Variants in ICE1 observed in about 807,000 individuals in gnomAD.
ICE1 encodes the protein interactor of little elongation complex ELL subunit 1, also known as little elongation complex subunit 1.
A neutral mutation model predicts 192.7 loss-of-function variants in ICE1; 64 were observed. That is an observed-to-expected ratio of 0.33 (90% CI 0.27 to 0.41). The LOEUF is 0.41. ICE1 is among the 10% of genes least tolerant of loss of function. The probability of loss-of-function intolerance (pLI) is 1.00; values close to 1 mark genes in which losing one functional copy is unlikely to be tolerated. For missense variants in ICE1, 2,708 were observed against 2,696.0 expected (o/e 1.00, Z -0.10); for synonymous variants, 1,010 against 984.5 (o/e 1.03, Z -0.49).
intron 16 of ICE1, among the ~76,000 whole-genome samples, chr5:5,473,978 A>T (rs2111397250): frequency 6.6e-6 from 1 of 152,218 alleles, no homozygotes; most frequent in East Asian, 1.9e-4. Flanking sequence ...TGGGAGGCCG[A>T]GGTGGGCAGA....
intron 18 of ICE1, among the ~76,000 whole-genome samples, chr5:5,488,344 G>A (rs1263021471): frequency 6.6e-6 from 1 of 152,122 alleles, no homozygotes; most frequent in African/African-American, 2.4e-5. Context: ...AGATTTTCTT[G>A]GATTTTGGAG....
chr5:5,460,770 T>C lies in ICE1; in HGVS notation c.1436T>C (p.Leu479Ser). 5 of 1,614,012 alleles carry C rather than the reference T, an allele frequency of 3.1e-6. No individual in the cohort carries two copies. Among genetic ancestry groups the C allele is most frequent in the Non-Finnish European group, 4.2e-6 (5 of 1,179,908 alleles). ...ATGAGTGATAGAAAAAGAGACATTTTACATGAGACAAAAACACAAATGGAG... is the reference window on the plus strand; with the variant it reads ...ATGAGTGATAGAAAAAGAGACATTTCACATGAGACAAAAACACAAATGGAG... ...RSMSDRKRDILHETKTQMEVR... is the reference protein window; with the variant it reads ...RSMSDRKRDISHETKTQMEVR... The change falls in exon 13 of 19, where the codon TTA (leucine) becomes TCA (serine). Residue 479 changes from leucine (L) to serine (S), a missense_variant. This residue lies in a region of ICE1 where 2,366 missense variants were observed against 2,276.6 expected (regional missense o/e 1.04). Coordinates refer to ENST00000296564, the MANE Select transcript of ICE1 (RefSeq NM_015325.3).
At chr5:5,480,774 A>C (rs1278551369) in intron 17 of ICE1, among the ~76,000 whole-genome samples, 2 of 152,238 alleles carry the variant, frequency 1.3e-5, no homozygotes, top group African/African-American at 4.8e-5. Context: ...CTGGTTACAA[A>C]GTAGACACCA....
intron 15 of ICE1, among the ~76,000 whole-genome samples, chr5:5,470,144 G>T (rs1739116651): frequency 6.6e-6 from 1 of 152,128 alleles, no homozygotes; most frequent in African/African-American, 2.4e-5. Flanking sequence ...TGTTCCCAGA[G>T]GGTTACCTGT....
rs1737337662 is a variant in ICE1 at position 5,422,694 on chromosome 5, G to T, written c.-222G>T. The T allele has an allele frequency of 2.9e-6, 1 of 339,552 alleles. No homozygotes were observed. Among genetic ancestry groups the T allele is most frequent in the African/African-American group, 2.1e-5 (1 of 46,550 alleles). The allele number at this position is 339,552 out of a possible 1,614,324, so 21.0% of individuals were successfully genotyped here. ...CCCTGACTGGACTGCGTCGCGCTCG[G>T]GGGCCGCGCCGGGTAGCGTTTCTTT... On this transcript the variant is annotated 5_prime_UTR_variant, in exon 1 of 19. Transcript: ENST00000296564.
intron 17 of ICE1, among the ~76,000 whole-genome samples, chr5:5,481,330 G>A (rs1210533724): frequency 6.6e-6 from 1 of 152,066 alleles, no homozygotes; most frequent in Non-Finnish European, 1.5e-5. Context: ...TTCTGTATTG[G>A]TTAATCTGGA....
chr5:5,426,447 C>CA (rs569904155), intron 1 of ICE1, among the ~76,000 whole-genome samples: 5,729 of 68,686 alleles, frequency 0.083, 387 homozygotes, highest in African/African-American at 0.23. Flanking sequence ...GACTCCGTCT[C>CA]AAAAAAAAAA....
At chr5:5,431,342 G>A (rs929461243) in intron 1 of ICE1, among the ~76,000 whole-genome samples, 6 of 152,084 alleles carry the variant, frequency 3.9e-5, no homozygotes, top group African/African-American at 1.2e-4. Context: ...ATAAATACTC[G>A]AATGTTTTCA....
At chr5:5,478,481 G>A (rs1191579738) in intron 17 of ICE1, among the ~76,000 whole-genome samples, 1 of 152,196 alleles carries the variant, frequency 6.6e-6, no homozygotes, top group African/African-American at 2.4e-5. Context: ...AACATTTCAT[G>A]CTCATGGATA....
At chr5:5,486,313 G>A (rs1739638283) in intron 17 of ICE1, among the ~76,000 whole-genome samples, 1 of 152,210 alleles carries the variant, frequency 6.6e-6, no homozygotes, top group South Asian at 2.1e-4. Context: ...CTGGGAGGAA[G>A]GCACTTAACT....
In ICE1 at chr5:5,464,122, TC is replaced by T; in HGVS notation, c.4789del (p.Gln1597LysfsTer9). The T allele has an allele frequency of 2.5e-6, 4 of 1,613,430 alleles. No individual in the cohort carries two copies. Among genetic ancestry groups the T allele is most frequent in the Non-Finnish European group, 3.4e-6 (4 of 1,179,858 alleles). ...CAGGGGAAAAAGCTAATACAAAAACTCAAAGAAGCCAAACTCAGACCATTTT... is the reference window on the plus strand; with the variant it reads ...CAGGGGAAAAAGCTAATACAAAAACTAAAGAAGCCAAACTCAGACCATTTT... ...FSGEKANTKT[Q>X]RSQTQTILAN... On this transcript the variant is annotated frameshift_variant, in exon 13 of 19. Transcript: ENST00000296564. LOFTEE classifies it high-confidence loss of function. This position sits in a 1 kb window ranked among gnomAD's most constrained non-coding sequence, Gnocchi z 4.0.
intron 17 of ICE1, among the ~76,000 whole-genome samples, chr5:5,485,328 T>G (rs976464108): frequency 1.3e-5 from 2 of 152,196 alleles, no homozygotes; most frequent in Admixed American, 6.5e-5. Context: ...GAGAATCGCA[T>G]TGCCTTGTTG....
At chr5:5,475,866 T>G in intron 16 of ICE1, 107 bp from the exon 17 acceptor site, 1 of 715,490 alleles carries the variant, frequency 1.4e-6, no homozygotes, top group South Asian at 1.7e-5. Flanking sequence ...CAATGTTAGA[T>G]CCTCAGCAGT....
intron 13 of ICE1, 25 bp from the exon 14 acceptor site, chr5:5,466,309 C>T (rs1738982631): frequency 6.4e-7 from 1 of 1,574,072 alleles, no homozygotes; most frequent in Admixed American, 1.9e-5. Context: ...TGTACATTGC[C>T]TTTTTAATTT....
At chr5:5,429,995 G>A (rs1455090565) in intron 1 of ICE1, among the ~76,000 whole-genome samples, 1 of 152,180 alleles carries the variant, frequency 6.6e-6, no homozygotes, top group Non-Finnish European at 1.5e-5. Flanking sequence ...GAGAAAAGAG[G>A]AGAGAATTGA....
Position 5,461,974 on chromosome 5 carries a change from A to T in ICE1, c.2640A>T (p.Pro880=). 6.2e-7 allele frequency: 1 copy of T among 1,613,982 alleles called. No homozygotes were observed. The highest frequency in any genetic ancestry group is 8.5e-7 in the Non-Finnish European group (1 of 1,179,896). ...GTGCCAAATTGGAACACTTGAGGCC[A>T]CATAGGGTTGAGCCTACCTTAGTAA... ...VQSAKLEHLR[P]HRVEPTLVTE... Residue 880 remains proline, a synonymous_variant, in exon 13 of 19, where the codon CCA becomes CCT. Transcript: ENST00000296564.
At chr5:5,471,447 C>CT (rs1412600419) in intron 15 of ICE1, among the ~76,000 whole-genome samples, 1 of 151,964 alleles carries the variant, frequency 6.6e-6, no homozygotes, top group African/African-American at 2.4e-5. Flanking sequence ...AATTGAAAGC[C>CT]TTCTGTTCAT....
chr5:5,464,469 C>T lies in ICE1; in HGVS notation c.5135C>T (p.Ser1712Phe), dbSNP rs1397375750. The change falls in exon 13 of 19, where the codon TCT becomes TTT. Residue 1712 changes from serine (S) to phenylalanine (F), a missense_variant. By Grantham distance (155) the Ser-to-Phe change is radical. Coordinates refer to ENST00000296564, the MANE Select transcript of ICE1 (RefSeq NM_015325.3). This position sits in a 1 kb window ranked among gnomAD's most constrained non-coding sequence, Gnocchi z 4.0. Reference protein sequence around the residue: ...AASASERVVPSPLQFCAATPK... With the variant: ...AASASERVVPFPLQFCAATPK... ...TCAGCCAGTGAGAGGGTAGTGCCGT[C>T]TCCTCTGCAGTTCTGTGCGGCCACG... The T allele has an allele frequency of 6.2e-7, 1 of 1,613,946 alleles. No individual in the cohort carries two copies. The highest frequency in any genetic ancestry group is 8.5e-7 in the Non-Finnish European group (1 of 1,179,886).
rs751637506 is a variant in ICE1 at position 5,460,995 on chromosome 5, A to C, written c.1661A>C (p.Lys554Thr). 1.9e-6 allele frequency: 3 copies of C among 1,613,948 alleles called. No individual in the cohort carries two copies. In the African/African-American group the frequency reaches 4.0e-5, roughly 22 times the overall value. ...MESEGKTVLS[K>T]MMGSPKSEFT... ...TCTGAAGGAAAAACCGTATTGTCTA[A>C]AATGATGGGATCGCCCAAATCAGAG... is the stretch of plus-strand genomic sequence containing the variant. Residue 554 changes from lysine to threonine, a missense_variant, in exon 13 of 19, where the codon AAA becomes ACA. Physicochemically the swap from Lys to Thr is moderately conservative, Grantham distance 78 (BLOSUM62 -1). Around this residue, in one of 2 missense-constraint regions of ICE1, gnomAD observed 2,366 missense variants for 2,276.6 expected, o/e 1.04. Transcript: ENST00000296564.
Sources: allele counts gnomAD v4.1 joint callset (sites outside exome capture counted in the v4.1 genomes callset), GRCh38; gene constraint gnomAD v4.1.1; regional missense constraint gnomAD v4.1.1; non-coding constraint Gnocchi (gnomAD v3.1); transcripts MANE v1.5; gene names NCBI Gene and HGNC (gene_info 2026-07-23, HGNC 2026-07-21).